CD2AP: variants seen among roughly 807,000 people sequenced by gnomAD.
CD2AP encodes the protein CD2 associated protein.
CD2AP carries 46 observed loss-of-function variants against 85.1 expected under a neutral mutation model. The ratio of observed to expected loss-of-function variants is 0.54; its 90% CI spans 0.43 to 0.69. The LOEUF (loss-of-function observed/expected upper bound fraction) is 0.69, where lower values mean the gene tolerates loss of function less well. Among genes scored for constraint, CD2AP ranks in the 30% least tolerant of loss-of-function variants. The pLI is 0.00. For synonymous variants in CD2AP, 255 were observed against 252.9 expected (o/e 1.01, Z -0.08); for missense variants, 769 against 729.5 (o/e 1.05, Z -0.62).
chr6:47,571,696 A>G (rs1412068693), intron 5 of CD2AP, among the ~76,000 whole-genome samples: 2 of 152,114 alleles, frequency 1.3e-5, no homozygotes, highest in African/African-American at 4.8e-5. Context: ...GTGAAGAAAG[A>G]GCAATTACTA....
chr6:47,560,470 T>C (rs1767827285), intron 5 of CD2AP, among the ~76,000 whole-genome samples: 1 of 152,196 alleles, frequency 6.6e-6, no homozygotes, highest in South Asian at 2.1e-4. Context: ...TGTAATAGTC[T>C]TCTAGCCTTT....
intron 2 of CD2AP, among the ~76,000 whole-genome samples, chr6:47,509,827 CA>C (rs1317534909): frequency 6.6e-6 from 1 of 152,050 alleles, no homozygotes; most frequent in Non-Finnish European, 1.5e-5. Context: ...GGCTCTAATA[CA>C]TTTTTTTTTG....
intron 17 of CD2AP, among the ~76,000 whole-genome samples, chr6:47,619,211 A>G (rs1391845119): frequency 6.6e-6 from 1 of 152,154 alleles, no homozygotes; most frequent in African/African-American, 2.4e-5. Context: ...GTAGTCTTTC[A>G]TCCCTCGCCC....
chr6:47,611,387 G>A (rs201867145), intron 16 of CD2AP, among the ~76,000 whole-genome samples: 47 of 151,302 alleles, frequency 3.1e-4, no homozygotes, highest in African/African-American at 8.7e-4. Context: ...AAGAGGGGGG[G>A]AATAGGATTA....
chr6:47,491,922 G>A (rs889269961), intron 1 of CD2AP, among the ~76,000 whole-genome samples: 3 of 151,994 alleles, frequency 2.0e-5, no homozygotes, highest in Non-Finnish European at 4.4e-5. Context: ...TTTTAGGTAA[G>A]GATTAAGTTC....
chr6:47,601,498 T>C (rs2114139676), intron 13 of CD2AP, among the ~76,000 whole-genome samples: 1 of 152,106 alleles, frequency 6.6e-6, no homozygotes, highest in South Asian at 2.1e-4. Context: ...TGTCAGATTA[T>C]TCACTGAGCA....
chr6:47,552,081 G>A (rs1767542834), intron 4 of CD2AP, among the ~76,000 whole-genome samples: 1 of 151,970 alleles, frequency 6.6e-6, no homozygotes, highest in African/African-American at 2.4e-5. Flanking sequence ...ATTGTAGGAT[G>A]AGAGATCTTC....
intron 5 of CD2AP, among the ~76,000 whole-genome samples, chr6:47,567,718 C>T (rs1352625617): frequency 3.3e-5 from 5 of 152,076 alleles, no homozygotes; most frequent in Admixed American, 6.5e-5. Flanking sequence ...CATAGCACTG[C>T]AAGATCCTGA....
chr6:47,491,127 C>T (rs1040307032), intron 1 of CD2AP, among the ~76,000 whole-genome samples: 2 of 151,846 alleles, frequency 1.3e-5, no homozygotes, highest in African/African-American at 4.8e-5. Context: ...ATCAGTTTTG[C>T]GTTTCTCTAT....
chr6:47,569,125 T>G (rs1768080327), intron 5 of CD2AP, among the ~76,000 whole-genome samples: 1 of 152,146 alleles, frequency 6.6e-6, no homozygotes. Context: ...TATAAGGCAG[T>G]TGCAGCATTT....
chr6:47,609,185 T>A lies in CD2AP; in HGVS notation c.1695T>A (p.Thr565=). 1 of 1,613,400 alleles carries A rather than the reference T, an allele frequency of 6.2e-7. No homozygotes were observed. Among genetic ancestry groups the A allele is most frequent in the South Asian group, 1.1e-5 (1 of 91,068 alleles). Residue 565 remains threonine (T), a synonymous_variant, in exon 16 of 18, where the codon ACT becomes ACA. Transcript: ENST00000359314. ...AAGCAAATACAACTGCTTTCCTGAC[T>A]CCATTAGAAATCAAAGCTAAAGTGG... The part of the protein sequence containing the change: ...ASKANTTAFL[T]PLEIKAKVET...
rs1318461291 is a variant in CD2AP at position 47,624,692 on chromosome 6, T to TGG, written c.*466_*467insGG. 1 of 133,964 alleles carries TGG rather than the reference T, an allele frequency of 7.5e-6. No individual in the cohort carries two copies. The highest frequency in any genetic ancestry group is 2.8e-5 in the African/African-American group (1 of 36,142). The allele number at this position is 133,964 out of a possible 1,614,324, so 8.3% of individuals were successfully genotyped here. A position where few individuals can be genotyped will look rare whatever the true frequency, so the allele number is the denominator to read the frequency against. On this transcript the variant is annotated 3_prime_UTR_variant, in exon 18 of 18. Transcript: ENST00000359314. ...GGGATATAAACTCTGTGTGTGTGTG[T>TGG]GTGTGTGTGTGTGTGTGTGTGTGTG...
At chr6:47,481,644 C>G (rs1026002445) in intron 1 of CD2AP, among the ~76,000 whole-genome samples, 1 of 151,276 alleles carries the variant, frequency 6.6e-6, no homozygotes, top group African/African-American at 2.4e-5. Context: ...CTGCACCTGG[C>G]CTCGTGGTGG....
At chr6:47,493,684 C>T (rs1040823134) in intron 1 of CD2AP, among the ~76,000 whole-genome samples, 5 of 152,054 alleles carry the variant, frequency 3.3e-5, no homozygotes, top group Non-Finnish European at 2.9e-5. Flanking sequence ...ATTCCAATTA[C>T]GTGTGTTTAT....
chr6:47,600,645 C>G (rs191802391), intron 13 of CD2AP, among the ~76,000 whole-genome samples: 5 of 151,674 alleles, frequency 3.3e-5, no homozygotes, highest in African/African-American at 9.7e-5. Context: ...GAAATTTATT[C>G]GGTATGTTTT....
chr6:47,538,229 TTTTTA>T (rs1161102372), intron 3 of CD2AP, among the ~76,000 whole-genome samples: 4 of 152,098 alleles, frequency 2.6e-5, no homozygotes, highest in Non-Finnish European at 4.4e-5. Context: ...AATAAATTGA[TTTTTA>T]TTTTATTTTA....
chr6:47,619,877 A>T (rs1182931333), intron 17 of CD2AP, among the ~76,000 whole-genome samples: 1 of 152,040 alleles, frequency 6.6e-6, no homozygotes, highest in African/African-American at 2.4e-5. Context: ...TCTTTTGAGG[A>T]TTGTCTATTC....
At chr6:47,567,476 C>G (rs533218094) in intron 5 of CD2AP, among the ~76,000 whole-genome samples, 3 of 152,086 alleles carry the variant, frequency 2.0e-5, no homozygotes, top group Admixed American at 6.5e-5. Flanking sequence ...TGATTTACCC[C>G]CCTTGTTTGA....
intron 4 of CD2AP, among the ~76,000 whole-genome samples, chr6:47,553,407 C>T (rs867350314): frequency 6.0e-5 from 9 of 149,012 alleles, no homozygotes; most frequent in African/African-American, 7.4e-5. Context: ...AGAGCAGTGG[C>T]GCCATCTCAG....
Sources: allele counts gnomAD v4.1 joint callset (sites outside exome capture counted in the v4.1 genomes callset), GRCh38; gene constraint gnomAD v4.1.1; transcripts MANE v1.5; gene names NCBI Gene and HGNC (gene_info 2026-07-23, HGNC 2026-07-21).